CUX2: variants seen among roughly 807,000 people sequenced by gnomAD.
CUX2 encodes homeobox protein cut-like 2.
In CUX2, 40 loss-of-function variants were observed where a neutral mutation model predicts 144.8. The ratio of observed to expected loss-of-function variants is 0.28; its 90% CI spans 0.21 to 0.36. The LOEUF (loss-of-function observed/expected upper bound fraction) is 0.36. CUX2 is among the 10% of genes least tolerant of loss of function. The probability of loss-of-function intolerance (pLI) is 1.00; values close to 1 mark genes in which losing one functional copy is unlikely to be tolerated. For synonymous variants in CUX2, 827 were observed against 875.6 expected (o/e 0.94, Z 0.98); for missense variants, 1,615 against 1,994.0 (o/e 0.81, Z 3.62).
chr12:111,316,338 G>T (rs1486914091), intron 16 of CUX2, among the ~76,000 whole-genome samples: 1 of 149,344 alleles, frequency 6.7e-6, no homozygotes, highest in Non-Finnish European at 1.5e-5. Context: ...TAGAGACGGG[G>T]TTTCTCCGTG....
intron 1 of CUX2, among the ~76,000 whole-genome samples, chr12:111,044,079 C>G (rs548657244): frequency 1.7e-4 from 26 of 152,326 alleles, no homozygotes; most frequent in Middle Eastern, 3.4e-3. Flanking sequence ...CAACCTTCCT[C>G]CTGTCCTTCT....
In CUX2 at chr12:111,034,865, C is replaced by T. The variant is rs570530507; in HGVS notation, c.63+625C>T. Among the ~76,000 whole-genome samples, 14 of 149,094 alleles carry T rather than the reference C, an allele frequency of 9.4e-5. No homozygotes were observed. Among genetic ancestry groups the T allele is most frequent in the African/African-American group, 2.7e-4 (11 of 41,034 alleles). On this transcript the variant is annotated intron_variant, in intron 1 of 21. Transcript: ENST00000261726. The surrounding 1 kb of genome is among the most constrained non-coding windows in gnomAD (Gnocchi z 4.2). ...CGGACGCGCCGCCACCCGGGGGCCG[C>T]CGCCGCCGCCGCCAGAGCCGCCGCC...
intron 3 of CUX2, among the ~76,000 whole-genome samples, chr12:111,218,192 C>G (rs140330415): frequency 1.3e-4 from 20 of 152,300 alleles, no homozygotes; most frequent in African/African-American, 4.6e-4. Context: ...CTTTGCCCAG[C>G]CTTACAATGG....
intron 1 of CUX2, among the ~76,000 whole-genome samples, chr12:111,126,485 G>A (rs936011537): frequency 6.6e-6 from 1 of 152,206 alleles, no homozygotes; most frequent in Non-Finnish European, 1.5e-5. Flanking sequence ...GAACCAGGAA[G>A]AGTCAGTGTT....
chr12:111,146,603 A>T (rs557734422), intron 1 of CUX2, among the ~76,000 whole-genome samples: 2 of 145,452 alleles, frequency 1.4e-5, no homozygotes, highest in Non-Finnish European at 3.0e-5. Flanking sequence ...ATCACATTTT[A>T]CAGAAGAGCA....
At chr12:111,274,843 C>A (rs550362218) in intron 4 of CUX2, among the ~76,000 whole-genome samples, 1 of 152,088 alleles carries the variant, frequency 6.6e-6, no homozygotes, top group African/African-American at 2.4e-5. Context: ...TCTCGGACAG[C>A]CTTTCCGGCT....
chr12:111,183,013 G>A (rs1207643140), intron 1 of CUX2, among the ~76,000 whole-genome samples: 5 of 152,196 alleles, frequency 3.3e-5, no homozygotes, highest in Non-Finnish European at 7.3e-5. Context: ...GGTACCTTGG[G>A]AGGAGGTTAT....
At chr12:111,119,377 G>A (rs1298692590) in intron 1 of CUX2, among the ~76,000 whole-genome samples, 8 of 152,082 alleles carry the variant, frequency 5.3e-5, no homozygotes, top group Non-Finnish European at 1.2e-4. Flanking sequence ...GCTGAGGTGG[G>A]TGGATCGCTT....
chr12:111,153,090 G>A (rs533676117), intron 1 of CUX2, among the ~76,000 whole-genome samples: 7 of 152,290 alleles, frequency 4.6e-5, no homozygotes, highest in East Asian at 3.8e-4. Flanking sequence ...AAAGCCACCC[G>A]AGGTTCAGGG....
intron 1 of CUX2, among the ~76,000 whole-genome samples, chr12:111,050,330 C>G (rs1870203470): frequency 6.6e-6 from 1 of 152,172 alleles, no homozygotes; most frequent in African/African-American, 2.4e-5. Flanking sequence ...CCCTGTGTGA[C>G]CTCATCTGTA....
intron 1 of CUX2, among the ~76,000 whole-genome samples, chr12:111,049,653 A>T (rs1483671606): frequency 6.6e-6 from 1 of 152,122 alleles, no homozygotes; most frequent in Non-Finnish European, 1.5e-5. Flanking sequence ...GGATTCAGTG[A>T]TGTTCTCTAG....
chr12:111,202,815 A>G (rs2136211109), intron 1 of CUX2, among the ~76,000 whole-genome samples: 1 of 152,252 alleles, frequency 6.6e-6, no homozygotes, highest in East Asian at 1.9e-4. Flanking sequence ...TTACTGTTTT[A>G]AATAGGACGG....
chr12:111,330,588 C>T (rs1457184261), intron 18 of CUX2, among the ~76,000 whole-genome samples: 1 of 150,196 alleles, frequency 6.7e-6, no homozygotes, highest in Non-Finnish European at 1.5e-5. Flanking sequence ...AATCCCAACA[C>T]TTTGGGAGGC....
intron 3 of CUX2, among the ~76,000 whole-genome samples, chr12:111,229,962 T>C (rs573686687): frequency 6.8e-6 from 1 of 147,104 alleles, no homozygotes; most frequent in Non-Finnish European, 1.5e-5. Flanking sequence ...TGCAGTGAAC[T>C]GAGATCGTGC....
chr12:111,120,939 G>A (rs943632260), intron 1 of CUX2, among the ~76,000 whole-genome samples: 21 of 152,094 alleles, frequency 1.4e-4, no homozygotes, highest in Non-Finnish European at 1.2e-4. Flanking sequence ...GCCCGGGGGG[G>A]TCCTGCTGTC....
intron 1 of CUX2, among the ~76,000 whole-genome samples, chr12:111,140,172 C>T (rs1387067351): frequency 1.3e-5 from 2 of 152,098 alleles, no homozygotes; most frequent in African/African-American, 4.8e-5. Flanking sequence ...TCCAGGTCAG[C>T]GCTGCTTGCA....
chr12:111,249,902 C>T (rs1414089507), intron 3 of CUX2, among the ~76,000 whole-genome samples: 2 of 152,098 alleles, frequency 1.3e-5, no homozygotes, highest in Admixed American at 6.6e-5. Context: ...CATTTGTTAC[C>T]GTGATGAACC....
chr12:111,112,234 G>A (rs773705145), intron 1 of CUX2, among the ~76,000 whole-genome samples: 1 of 151,936 alleles, frequency 6.6e-6, no homozygotes, highest in Admixed American at 6.7e-5. Context: ...AGCAGTCTGG[G>A]TGGGTGGGTT....
chr12:111,221,584 C>G (rs1185923050), intron 3 of CUX2, among the ~76,000 whole-genome samples: 1 of 152,066 alleles, frequency 6.6e-6, no homozygotes, highest in Non-Finnish European at 1.5e-5. Flanking sequence ...ATATCATGCC[C>G]GTCATTCCTT....
Sources: allele counts gnomAD v4.1 joint callset (sites outside exome capture counted in the v4.1 genomes callset), GRCh38; gene constraint gnomAD v4.1.1; non-coding constraint Gnocchi (gnomAD v3.1); transcripts MANE v1.5; gene names NCBI Gene and HGNC (gene_info 2026-07-23, HGNC 2026-07-21).